KDM6A: variants seen among roughly 807,000 people sequenced by gnomAD.
The protein encoded by KDM6A is lysine-specific demethylase 6A.
KDM6A carries 11 observed loss-of-function variants against 117.6 expected under a neutral mutation model. The observed-to-expected ratio is 0.09, with a 90% CI of 0.06 to 0.15. The LOEUF (loss-of-function observed/expected upper bound fraction) is 0.15. KDM6A is among the 10% of genes least tolerant of loss of function. KDM6A has a pLI of 1.00. For missense variants in KDM6A, 799 were observed against 1,077.3 expected, an observed-to-expected ratio of 0.74 and a Z score of 3.62; for synonymous variants, 384 against 396.1, an observed-to-expected ratio of 0.97 and a Z score of 0.36.
intron 17 of KDM6A, among the ~76,000 whole-genome samples, chrX:45,065,024 G>C (rs751431796): frequency 7.1e-5 from 8 of 111,981 alleles, no homozygotes; most frequent in Non-Finnish European, 1.5e-4. Context: ...GATGATGGTT[G>C]TGATTAGTGC....
At position 45,063,440 on chromosome X, in the gene KDM6A, G is replaced by A; in HGVS notation, c.1702G>A (p.Ala568Thr). The part of the protein sequence containing the change: ...QQHQMRPTGV[A>T]QVRSTGIPNG... ...TTGACAGATGAGACCAACAGGAGTT[G>A]CACAGGTACGATCTACTGGAATTCC... Residue 568 changes from alanine (A) to threonine (T), a missense_variant, in exon 17 of 30, where the codon GCA becomes ACA. Coordinates refer to ENST00000611820, the MANE Select transcript of KDM6A (RefSeq NM_001291415.2). 1 of 1,205,954 alleles carries A rather than the reference G, an allele frequency of 8.3e-7. No individual in the cohort carries two copies. The highest frequency in any genetic ancestry group is 3.0e-5 in the East Asian group (1 of 33,798).
At chrX:44,891,558 T>C (rs1387843963) in intron 2 of KDM6A, among the ~76,000 whole-genome samples, 2 of 112,217 alleles carry the variant, frequency 1.8e-5, no homozygotes, top group Non-Finnish European at 3.8e-5. Context: ...TTGTTTGAAA[T>C]GCTTGTTTTC....
intron 2 of KDM6A, among the ~76,000 whole-genome samples, chrX:44,942,144 C>T (rs1007379912): frequency 9.1e-6 from 1 of 109,624 alleles, no homozygotes; most frequent in African/African-American, 3.3e-5. Flanking sequence ...AAGCGATTCT[C>T]CTGCCTCAGC....
rs35013547 is a variant in KDM6A at position 44,893,001 on chromosome X, TA to T, written c.225+19038del. On this transcript the variant is annotated intron_variant, in intron 2 of 29. Coordinates refer to ENST00000611820, the MANE Select transcript of KDM6A (RefSeq NM_001291415.2). ...CTGGGTGACAGAGTGAGACTCCATC[TA>T]AAAAAAAAAAAAAAAAAAAAAAATA... Among the ~76,000 whole-genome samples the T allele has an allele frequency of 5.8e-3, 292 of 50,216 alleles. 3 individuals carry two copies. The highest frequency in any genetic ancestry group is 0.021 in the Middle Eastern group (1 of 48). 43.6% of individuals were successfully genotyped at this position (50,216 alleles called of 115,157 possible).
chrX:44,908,411 GA>G (rs1255167892), intron 2 of KDM6A, among the ~76,000 whole-genome samples: 1 of 111,541 alleles, frequency 9.0e-6, no homozygotes, highest in Non-Finnish European at 1.9e-5. Flanking sequence ...CCTCAGTTGT[GA>G]TGACTCATGG....
chrX:44,929,304 C>T (rs2036497345), intron 2 of KDM6A, among the ~76,000 whole-genome samples: 1 of 104,520 alleles, frequency 9.6e-6, no homozygotes, highest in African/African-American at 3.6e-5. Flanking sequence ...TTTTAAGTTC[C>T]TCTGTTTTGG....
Position 45,082,803 on chromosome X carries a change from G to A in KDM6A, c.3440+14G>A. 1 of 1,088,192 alleles carries A rather than the reference G, an allele frequency of 9.2e-7. No individual in the cohort carries two copies. 89.7% of individuals were successfully genotyped at this position (1,088,192 alleles called of 1,213,427 possible). A position where few individuals can be genotyped will look rare whatever the true frequency, so the allele number is the denominator to read the frequency against. On this transcript the variant is annotated intron_variant, in intron 23 of 29. Coordinates refer to ENST00000611820, the MANE Select transcript of KDM6A (RefSeq NM_001291415.2). Reference sequence around the variant, plus strand: ...TGATGACAAAAAGTAAGTCCTTGTAGTAATATTTCTGTGAACTGATGCAAA... The same window carrying A: ...TGATGACAAAAAGTAAGTCCTTGTAATAATATTTCTGTGAACTGATGCAAA...
intron 3 of KDM6A, among the ~76,000 whole-genome samples, chrX:44,974,461 G>T (rs1372839096): frequency 9.0e-6 from 1 of 110,864 alleles, no homozygotes; most frequent in African/African-American, 3.3e-5. Flanking sequence ...GGTTAGCCTA[G>T]ATGCTGTTCA....
At chrX:45,087,781 A>T (rs1411696880) in intron 25 of KDM6A, among the ~76,000 whole-genome samples, 1 of 111,679 alleles carries the variant, frequency 9.0e-6, no homozygotes, top group Non-Finnish European at 1.9e-5. Context: ...GAATAAGCAG[A>T]TGATGTCCAA....
At chrX:44,977,403 C>T (rs955131103) in intron 4 of KDM6A, among the ~76,000 whole-genome samples, 8 of 110,484 alleles carry the variant, frequency 7.2e-5, no homozygotes, top group African/African-American at 2.7e-4. Flanking sequence ...TGCAGATGCA[C>T]ACCACCATGC....
chrX:45,092,409 T>C (rs188150498), intron 27 of KDM6A, among the ~76,000 whole-genome samples: 2 of 112,106 alleles, frequency 1.8e-5, no homozygotes, highest in East Asian at 5.6e-4. Context: ...TCATAATTTG[T>C]GGTCATCCAG....
intron 4 of KDM6A, among the ~76,000 whole-genome samples, chrX:44,996,939 C>T (rs2040887656): frequency 9.0e-6 from 1 of 111,464 alleles, no homozygotes; most frequent in Non-Finnish European, 1.9e-5. Context: ...GATTCCCTTG[C>T]CCCCCTCGCA....
intron 2 of KDM6A, 47 bp downstream of exon 2, chrX:44,874,034 C>T: frequency 9.0e-7 from 1 of 1,115,753 alleles, no homozygotes; most frequent in Non-Finnish European, 1.2e-6. Flanking sequence ...CCCTGGCCGG[C>T]GCCGCGCTCG....
At chrX:45,093,664 G>T (rs1603004014) in intron 27 of KDM6A, among the ~76,000 whole-genome samples, 1 of 110,835 alleles carries the variant, frequency 9.0e-6, no homozygotes, top group African/African-American at 3.3e-5. Context: ...TTGCCTGATT[G>T]TCATTAATGT....
chrX:44,876,262 G>A (rs929400279), intron 2 of KDM6A, among the ~76,000 whole-genome samples: 5 of 111,342 alleles, frequency 4.5e-5, no homozygotes, highest in Non-Finnish European at 7.5e-5. Context: ...ATCTTTGTGA[G>A]CCTGAACATA....
chrX:45,097,650 C>T lies in KDM6A; in HGVS notation c.4034+6786C>T, dbSNP rs758956170. 1.2e-4 allele frequency among the ~76,000 whole-genome samples: 13 copies of T among 111,591 alleles called. No individual in the cohort carries two copies. In the South Asian group the frequency reaches 1.9e-3, roughly 16 times the overall value. On this transcript the variant is annotated intron_variant, in intron 27 of 29. Transcript: ENST00000611820. ...TAATAATGGGAAATGGTGTTTTCTT[C>T]TGTTGTCACCTCCTGATTCCTCATT... is the stretch of plus-strand genomic sequence containing the variant.
In KDM6A at chrX:45,053,806, T is replaced by A. The variant is rs752243754; in HGVS notation, c.749-23T>A. ...AGAACAATTAAGTCATTTATGTAAATTTTTTTAAATCATTTACTGTAGGTT... is the reference window on the plus strand; with the variant it reads ...AGAACAATTAAGTCATTTATGTAAAATTTTTTAAATCATTTACTGTAGGTT... On this transcript the variant is annotated intron_variant, in intron 9 of 29. Coordinates refer to ENST00000611820, the MANE Select transcript of KDM6A (RefSeq NM_001291415.2). 5 of 1,151,622 alleles carry A rather than the reference T, an allele frequency of 4.3e-6. No individual in the cohort carries two copies. The African/African-American group carries it at 7.2e-5, about 17-fold the overall frequency. 94.9% of individuals were successfully genotyped at this position (1,151,622 alleles called of 1,213,427 possible).
At chrX:45,047,204 A>G (rs1240617731) in intron 8 of KDM6A, among the ~76,000 whole-genome samples, 2 of 105,920 alleles carry the variant, frequency 1.9e-5, no homozygotes, top group Non-Finnish European at 3.8e-5. Flanking sequence ...AATTATACTA[A>G]TAGTATTTTA....
At chrX:45,009,108 C>T (rs1056582053) in intron 4 of KDM6A, among the ~76,000 whole-genome samples, 2 of 111,836 alleles carry the variant, frequency 1.8e-5, no homozygotes, top group East Asian at 2.8e-4. Flanking sequence ...TTGGATCTCA[C>T]GCAAGAAAGA....
Sources: gnomAD v4.1 joint callset for allele counts (sites outside exome capture counted in the v4.1 genomes callset) on GRCh38, gnomAD v4.1.1 for gene constraint, MANE v1.5 for transcripts, NCBI Gene and HGNC (gene_info 2026-07-23, HGNC 2026-07-21) for gene names.